Variants in GABRA3 observed in about 807,000 individuals in gnomAD.
GABRA3 encodes the protein gamma-aminobutyric acid type A receptor subunit alpha3.
Under a neutral mutation model 30.1 loss-of-function variants are expected in GABRA3, and 10 were observed. The ratio of observed to expected loss-of-function variants is 0.33; its 90% CI spans 0.20 to 0.56. The LOEUF (loss-of-function observed/expected upper bound fraction) is 0.56. GABRA3 is among the 20% of genes least tolerant of loss of function. The pLI is 0.89. For missense variants in GABRA3, 233 were observed against 392.0 expected, an observed-to-expected ratio of 0.59 and a Z score of 3.42; for synonymous variants, 151 against 146.8, an observed-to-expected ratio of 1.03 and a Z score of -0.21.
At chrX:152,183,595 C>T (rs1937215194) in intron 9 of GABRA3, among the ~76,000 whole-genome samples, 1 of 110,500 alleles carries the variant, frequency 9.0e-6, no homozygotes, top group African/African-American at 3.3e-5. Flanking sequence ...TTTCTAGTAA[C>T]TTTGGGCTTA....
intron 1 of GABRA3, among the ~76,000 whole-genome samples, chrX:152,389,995 A>C (rs749968040): frequency 1.2e-4 from 13 of 112,099 alleles, no homozygotes; most frequent in Non-Finnish European, 1.9e-4. Flanking sequence ...GATTAAAAAA[A>C]TACAACACAG....
chrX:152,404,640 C>G (rs1166369671), intron 1 of GABRA3, among the ~76,000 whole-genome samples: 1 of 110,023 alleles, frequency 9.1e-6, no homozygotes, highest in Non-Finnish European at 1.9e-5. Context: ...TGATGATTCC[C>G]TCCTCTGTGG....
chrX:152,262,875 T>C (rs1018426398), intron 4 of GABRA3, among the ~76,000 whole-genome samples: 3 of 112,012 alleles, frequency 2.7e-5, no homozygotes, highest in Non-Finnish European at 5.6e-5. Context: ...ATTAGTCCAT[T>C]CTCACACTGC....
At chrX:152,178,374 C>T (rs1937102008) in intron 9 of GABRA3, among the ~76,000 whole-genome samples, 1 of 110,520 alleles carries the variant, frequency 9.0e-6, no homozygotes, top group Non-Finnish European at 1.9e-5. Flanking sequence ...AAAACTTAAC[C>T]CATATTGAAT....
chrX:152,283,419 A>T (rs1939232352), intron 4 of GABRA3, among the ~76,000 whole-genome samples: 1 of 111,552 alleles, frequency 9.0e-6, no homozygotes, highest in African/African-American at 3.3e-5. Context: ...CCTCTCCTTT[A>T]CCCATGCCTG....
At chrX:152,446,885 C>A (rs946599656) in intron 1 of GABRA3, among the ~76,000 whole-genome samples, 11 of 111,830 alleles carry the variant, frequency 9.8e-5, no homozygotes, top group Non-Finnish European at 3.8e-5. Context: ...ATCTATCTTG[C>A]CAAACACATC....
At chrX:152,304,678 T>A (rs1287039276) in intron 3 of GABRA3, among the ~76,000 whole-genome samples, 1 of 112,371 alleles carries the variant, frequency 8.9e-6, no homozygotes, top group Non-Finnish European at 1.9e-5. Flanking sequence ...ACCAGTACCA[T>A]GCTGTTTTGG....
chrX:152,434,174 C>G (rs6627589), intron 1 of GABRA3, among the ~76,000 whole-genome samples: 3 of 109,260 alleles, frequency 2.7e-5, no homozygotes, highest in African/African-American at 1.0e-4. Flanking sequence ...TTTGAGTCAG[C>G]GGGCTGGGGA....
At chrX:152,279,043 T>C (rs142244104) in intron 4 of GABRA3, among the ~76,000 whole-genome samples, 11,705 of 111,448 alleles carry the variant, frequency 0.11, 496 homozygotes, top group South Asian at 0.13. Flanking sequence ...TCAAAAATTT[T>C]CTCCCATTCT....
At chrX:152,354,765 G>C (rs2124487449) in intron 2 of GABRA3, among the ~76,000 whole-genome samples, 1 of 111,525 alleles carries the variant, frequency 9.0e-6, no homozygotes, top group Admixed American at 9.5e-5. Flanking sequence ...AAACTGGTAG[G>C]TGAATCATCA....
intron 4 of GABRA3, among the ~76,000 whole-genome samples, chrX:152,258,015 T>C (rs986919785): frequency 1.1e-4 from 12 of 111,796 alleles, no homozygotes; most frequent in African/African-American, 3.9e-4. Flanking sequence ...CACAAATTAA[T>C]GCTTGCTGAA....
intron 1 of GABRA3, among the ~76,000 whole-genome samples, chrX:152,439,785 G>A (rs1055352668): frequency 1.8e-5 from 2 of 111,744 alleles, no homozygotes; most frequent in Non-Finnish European, 3.8e-5. Context: ...AAACATGGAT[G>A]AATCCTAAAA....
intron 4 of GABRA3, among the ~76,000 whole-genome samples, chrX:152,269,532 C>A (rs1287322824): frequency 8.9e-6 from 1 of 112,058 alleles, no homozygotes. Context: ...ATAACCAAAG[C>A]AATCCTGAGC....
At chrX:152,272,826 A>G (rs900421752) in intron 4 of GABRA3, among the ~76,000 whole-genome samples, 8 of 111,347 alleles carry the variant, frequency 7.2e-5, no homozygotes, top group African/African-American at 2.6e-4. Flanking sequence ...TGATGGTTTT[A>G]TAAGGGGATT....
chrX:152,444,719 A>G lies in GABRA3; in HGVS notation c.-27+6427T>C, dbSNP rs746366776. Among the ~76,000 whole-genome samples, 21 of 83,442 alleles carry G rather than the reference A, an allele frequency of 2.5e-4. 1 individual carries two copies. The highest frequency in any genetic ancestry group is 9.1e-4 in the African/African-American group (21 of 23,016). 72.5% of individuals were successfully genotyped at this position (83,442 alleles called of 115,157 possible). ...CACCTCCCCTTCCCTTAAAAACTAT[A>G]TATAATACTTGTGTGTTTTTTTTTT... On this transcript the variant is annotated intron_variant, in intron 1 of 9. Transcript: ENST00000370314.
chrX:152,270,203 G>T (rs1327508556), intron 4 of GABRA3, among the ~76,000 whole-genome samples: 5 of 111,344 alleles, frequency 4.5e-5, no homozygotes, highest in Non-Finnish European at 9.4e-5. Flanking sequence ...TTACCCTCAT[G>T]CTGTTCTTGT....
chrX:152,275,553 G>A (rs773468746), intron 4 of GABRA3, among the ~76,000 whole-genome samples: 3 of 71,743 alleles, frequency 4.2e-5, no homozygotes, highest in South Asian at 1.3e-3. Flanking sequence ...TCAGGAGTTC[G>A]AGATGAGCCA....
At chrX:152,259,875 T>A (rs1938698737) in intron 4 of GABRA3, among the ~76,000 whole-genome samples, 2 of 109,962 alleles carry the variant, frequency 1.8e-5, no homozygotes, top group Admixed American at 2.0e-4. Context: ...TAAATGGGAT[T>A]TTTTTATTCA....
rs139897643 is a variant in GABRA3, at chrX:152,244,995, A to C, written c.551+10783T>G. ...AGAAAACCATAAATAAGGTTAGAGA[A>C]AAAAGGTTCCCACACTAACTAGAAT... On this transcript the variant is annotated intron_variant, in intron 5 of 9. Coordinates refer to ENST00000370314, the MANE Select transcript of GABRA3 (RefSeq NM_000808.4). Among the ~76,000 whole-genome samples the C allele has an allele frequency of 7.8e-3, 868 of 111,523 alleles. 7 individuals are homozygous for C. Among genetic ancestry groups the C allele is most frequent in the African/African-American group, 0.026 (798 of 30,729 alleles).
Sources: gnomAD v4.1 joint callset for allele counts (sites outside exome capture counted in the v4.1 genomes callset) on GRCh38, gnomAD v4.1.1 for gene constraint, MANE v1.5 for transcripts, NCBI Gene and HGNC (gene_info 2026-07-23, HGNC 2026-07-21) for gene names.